Variants in ADAP1 observed in about 807,000 individuals in gnomAD.
ADAP1 encodes arf-GAP with dual PH domain-containing protein 1.
In ADAP1, 31 loss-of-function variants were observed where a neutral mutation model predicts 54.9. That is an observed-to-expected ratio of 0.56 (90% CI 0.42 to 0.76). The LOEUF (loss-of-function observed/expected upper bound fraction) is 0.76, where lower values mean the gene tolerates loss of function less well. Ranked by LOEUF, ADAP1 falls within the 30% of genes least tolerant of loss-of-function variation. The probability of loss-of-function intolerance (pLI) is 0.00; values close to 1 mark genes in which losing one functional copy is unlikely to be tolerated. For synonymous variants in ADAP1, 313 were observed against 202.6 expected, an observed-to-expected ratio of 1.55 and a Z score of -4.63; for missense variants, 535 against 512.4, an observed-to-expected ratio of 1.04 and a Z score of -0.42.
At position 946,448 on chromosome 7, in the gene ADAP1, C is replaced by T. The variant is rs910155755; in HGVS notation, c.82+7948G>A. Among the ~76,000 whole-genome samples, 1 of 152,176 alleles carries T rather than the reference C, an allele frequency of 6.6e-6. No individual in the cohort carries two copies. Among genetic ancestry groups the T allele is most frequent in the African/African-American group, 2.4e-5 (1 of 41,432 alleles). ...CCCTCCCAGGACCCAGATCCGCTGG[C>T]CCCTACCCGGTTCAGGGACACGTGC... On this transcript the variant is annotated intron_variant, in intron 1 of 10. Coordinates refer to ENST00000265846, the MANE Select transcript of ADAP1 (RefSeq NM_006869.4). The surrounding 1 kb of genome is among the most constrained non-coding windows in gnomAD (Gnocchi z 4.3).
At chr7:904,985 A>G (rs1387089334) in intron 5 of ADAP1, 75 bp downstream of exon 5, 17 of 1,331,566 alleles carry the variant, frequency 1.3e-5, no homozygotes, top group Non-Finnish European at 1.7e-5. Context: ...GGACGCGGCC[A>G]CCACAGGCCC....
At chr7:951,281 G>C (rs1847263832) in intron 1 of ADAP1, among the ~76,000 whole-genome samples, 3 of 151,854 alleles carry the variant, frequency 2.0e-5, no homozygotes, top group Non-Finnish European at 4.4e-5. Context: ...GCTGAGGCAG[G>C]AGAATGGTGT....
chr7:900,209 A>G, intron 7 of ADAP1, 45 bp from the exon 8 acceptor site: 1 of 1,608,194 alleles, frequency 6.2e-7, no homozygotes. Flanking sequence ...AGTGCAGCTC[A>G]GGCCGAGCCC....
At chr7:909,283 G>GCC (rs1484768264) in intron 4 of ADAP1, among the ~76,000 whole-genome samples, 1 of 38,218 alleles carries the variant, frequency 2.6e-5, no homozygotes, top group Admixed American at 2.0e-4. Context: ...AGGCGCCAGC[G>GCC]GGAACCCCGG....
chr7:906,959 C>T (rs983372143), intron 4 of ADAP1, among the ~76,000 whole-genome samples: 2 of 152,116 alleles, frequency 1.3e-5, no homozygotes, highest in Non-Finnish European at 2.9e-5. Flanking sequence ...CAGGGACCCT[C>T]CCCATCCTGA....
At chr7:913,970 A>G (rs1441565768) in intron 4 of ADAP1, among the ~76,000 whole-genome samples, 1 of 152,158 alleles carries the variant, frequency 6.6e-6, no homozygotes, top group Non-Finnish European at 1.5e-5. Flanking sequence ...CCCGGTGGTG[A>G]TCCTTCCTTT....
At chr7:913,361 C>T (rs1488496279) in intron 4 of ADAP1, among the ~76,000 whole-genome samples, 1 of 151,416 alleles carries the variant, frequency 6.6e-6, no homozygotes, top group Non-Finnish European at 1.5e-5. Flanking sequence ...CCACCACACC[C>T]AGCTAATTTT....
At chr7:949,387 G>A (rs923390447) in intron 1 of ADAP1, among the ~76,000 whole-genome samples, 1 of 152,396 alleles carries the variant, frequency 6.6e-6, no homozygotes, top group South Asian at 2.1e-4. Context: ...GACGGGTGAC[G>A]GGAGAAGCAG....
At chr7:910,951 G>A (rs943552862) in intron 4 of ADAP1, among the ~76,000 whole-genome samples, 1 of 152,198 alleles carries the variant, frequency 6.6e-6, no homozygotes, top group Non-Finnish European at 1.5e-5. Flanking sequence ...TCTCCTTGCT[G>A]GGTAAGGCCT....
rs182602633 is a variant in ADAP1 at position 938,622 on chromosome 7, C to T, written c.83-3117G>A. 6.6e-6 allele frequency among the ~76,000 whole-genome samples: 1 copy of T among 152,304 alleles called. No individual in the cohort carries two copies. Among genetic ancestry groups the T allele is most frequent in the East Asian group, 1.9e-4 (1 of 5,194 alleles). ...TGAAAGATGCCGCAAATGCTCGGTA[C>T]GTGGCTGTGCGAGGGGCGCCCAGAA... On this transcript the variant is annotated intron_variant, in intron 1 of 10. Transcript: ENST00000265846. This position sits in a 1 kb window ranked among gnomAD's most constrained non-coding sequence, Gnocchi z 4.4.
At chr7:914,238 G>C (rs551904099) in intron 4 of ADAP1, among the ~76,000 whole-genome samples, 12 of 152,346 alleles carry the variant, frequency 7.9e-5, no homozygotes, top group South Asian at 6.2e-4. Context: ...GGCCTCACCT[G>C]GCCAACGTGG....
At chr7:905,308 C>CAGACGGGGAGAGG (rs1562911273) in intron 4 of ADAP1, 136 bp from the exon 5 acceptor site, 1 of 390,206 alleles carries the variant, frequency 2.6e-6, no homozygotes, top group South Asian at 2.3e-5. Flanking sequence ...CAGGGGGAGA[C>CAGACGGGGAGAGG]GGACGGGGAG....
At chr7:907,690 G>C (rs1845530254) in intron 4 of ADAP1, among the ~76,000 whole-genome samples, 1 of 152,200 alleles carries the variant, frequency 6.6e-6, no homozygotes, top group Admixed American at 6.5e-5. Flanking sequence ...CTATGGCCCT[G>C]GCTGTCCCGC....
chr7:950,374 T>TGAGG lies in ADAP1; in HGVS notation c.82+4021_82+4022insCCTC, dbSNP rs768921674. Reference sequence around the variant, plus strand: ...GGCAGCGTGCACCTGTAGTCCCAGCTACTCGGGAGGCTGAGGCAGGAGAAT... The same window carrying TGAGG: ...GGCAGCGTGCACCTGTAGTCCCAGCTGAGGACTCGGGAGGCTGAGGCAGGAGAAT... On this transcript the variant is annotated intron_variant, in intron 1 of 10. Transcript: ENST00000265846. Among the ~76,000 whole-genome samples the TGAGG allele has an allele frequency of 2.6e-5, 4 of 151,306 alleles. No homozygotes were observed. In the South Asian group the frequency reaches 8.3e-4, roughly 31 times the overall value.
chr7:904,564 C>A (rs1235869031), intron 5 of ADAP1, among the ~76,000 whole-genome samples: 1 of 152,214 alleles, frequency 6.6e-6, no homozygotes, highest in Non-Finnish European at 1.5e-5. Flanking sequence ...CGGCAGCTCC[C>A]ACAGGGGCAG....
At chr7:905,882 GAGAAAGGAGAAAGGA>G (rs1562913152) in intron 4 of ADAP1, among the ~76,000 whole-genome samples, 3 of 16,260 alleles carry the variant, frequency 1.8e-4, no homozygotes, top group African/African-American at 3.6e-4. Flanking sequence ...AGGGAGAAAG[GAGAAAGGAGAAAGGA>G]GAAAGGAGAA....
At position 926,615 on chromosome 7, in the gene ADAP1, C is replaced by T. The variant is rs570321237; in HGVS notation, c.243G>A (p.Ala81=). 38 of 1,545,160 alleles carry T rather than the reference C, an allele frequency of 2.5e-5. No individual in the cohort carries two copies. In the South Asian group the frequency reaches 3.6e-4, roughly 15 times the overall value. ...GTACTTTGGACTCAAACCTGGCTCT[C>T]GCGGCGTCGTTCCCGTGGGAGGCCA... ...EFMASHGNDA[A]RARFESKVPS... The change falls in exon 3 of 11, where the codon GCG becomes GCA. Residue 81 remains alanine, a synonymous_variant. Coordinates refer to ENST00000265846, the MANE Select transcript of ADAP1 (RefSeq NM_006869.4). The surrounding 1 kb of genome is among the most constrained non-coding windows in gnomAD (Gnocchi z 4.6).
At chr7:936,654 G>A (rs1262080994) in intron 1 of ADAP1, among the ~76,000 whole-genome samples, 1 of 152,250 alleles carries the variant, frequency 6.6e-6, no homozygotes, top group Non-Finnish European at 1.5e-5. Flanking sequence ...TTCACAATAA[G>A]TCAAGGGAGT....
At chr7:903,724 A>G (rs569767296) in intron 6 of ADAP1, among the ~76,000 whole-genome samples, 35 of 152,186 alleles carry the variant, frequency 2.3e-4, no homozygotes, top group Non-Finnish European at 3.8e-4. Context: ...AGAGCCGGCT[A>G]CCGTCCACAT....
Sources: allele counts gnomAD v4.1 joint callset (sites outside exome capture counted in the v4.1 genomes callset), GRCh38; gene constraint gnomAD v4.1.1; non-coding constraint Gnocchi (gnomAD v3.1); transcripts MANE v1.5; gene names NCBI Gene and HGNC (gene_info 2026-07-23, HGNC 2026-07-21).